Variants in PCDHGA5 observed in about 807,000 individuals in gnomAD.
PCDHGA5 encodes protocadherin gamma-A5.
A neutral mutation model predicts 56.7 loss-of-function variants in PCDHGA5; 36 were observed. That is an observed-to-expected ratio of 0.64 (90% CI 0.49 to 0.84). PCDHGA5 has a LOEUF of 0.84. Among genes scored for constraint, PCDHGA5 ranks in the 40% least tolerant of loss-of-function variants. The pLI is 0.00. For synonymous variants in PCDHGA5, 563 were observed against 520.2 expected, an observed-to-expected ratio of 1.08 and a Z score of -1.12; for missense variants, 1,305 against 1,201.5, an observed-to-expected ratio of 1.09 and a Z score of -1.27.
At chr5:141,372,279 G>C in intron 1 of PCDHGA5, 1 of 1,613,176 alleles carries the variant, frequency 6.2e-7, no homozygotes, top group Non-Finnish European at 8.5e-7. Flanking sequence ...GGTGCGCACG[G>C]CGCGTACCTT....
chr5:141,385,132 G>T (rs763210124), intron 1 of PCDHGA5: 2 of 1,614,094 alleles, frequency 1.2e-6, no homozygotes, highest in African/African-American at 1.3e-5. Flanking sequence ...GGGCATGGAC[G>T]GGGTGCAGGC....
chr5:141,509,864 A>G (rs2099878667), intron 3 of PCDHGA5, among the ~76,000 whole-genome samples: 1 of 152,262 alleles, frequency 6.6e-6, no homozygotes, highest in East Asian at 1.9e-4. Context: ...GATAAGGTCC[A>G]AGCTGCTGGT....
chr5:141,507,151 G>C (rs1423834553), intron 3 of PCDHGA5: 2 of 152,192 alleles, frequency 1.3e-5, no homozygotes, highest in African/African-American at 4.8e-5. Context: ...TATTACCTGA[G>C]CAGGATGAGA....
Position 141,365,092 on chromosome 5 carries a change from C to T in PCDHGA5, c.762C>T (p.Asn254=). Residue 254 remains asparagine (N), a synonymous_variant, in exon 1 of 4, where the codon AAC becomes AAT. Coordinates refer to ENST00000518069, the MANE Select transcript of PCDHGA5 (RefSeq NM_018918.3). ...PSEYSVSVPE[N]IPVGTRLLML... is the part of the protein sequence containing the mutation. ...AGTACAGCGTGAGTGTTCCAGAGAA[C>T]ATACCTGTGGGCACTCGGCTGCTCA... 6.2e-7 allele frequency: 1 copy of T among 1,613,856 alleles called. No individual in the cohort carries two copies. The highest frequency in any genetic ancestry group is 8.5e-7 in the Non-Finnish European group (1 of 1,179,884).
At position 141,383,195 on chromosome 5, in the gene PCDHGA5, G is replaced by A. The variant is rs765730698; in HGVS notation, c.2421+16444G>A. On this transcript the variant is annotated intron_variant, in intron 1 of 3. Transcript: ENST00000518069. ...GACCGGGAAGAGATCTGCGCTCAGA[G>A]TGCGCGGTGTCTGGTAAACTTTAAC... 18 of 1,614,044 alleles carry A rather than the reference G, an allele frequency of 1.1e-5. No homozygotes were observed. Among genetic ancestry groups the A allele is most frequent in the Non-Finnish European group, 1.5e-5 (18 of 1,179,940 alleles).
chr5:141,398,212 C>T, intron 1 of PCDHGA5: 1 of 1,484,360 alleles, frequency 6.7e-7, no homozygotes, highest in South Asian at 1.3e-5. Flanking sequence ...CTGCCCGGCG[C>T]TCTGTGAGCA....
chr5:141,415,843 G>T (rs1022622333), intron 1 of PCDHGA5: 36 of 1,251,418 alleles, frequency 2.9e-5, no homozygotes, highest in Non-Finnish European at 3.6e-5. Flanking sequence ...GATTAGCTTT[G>T]CAGAACCTTG....
intron 1 of PCDHGA5, chr5:141,382,969 TG>T (rs1561593500): frequency 9.9e-6 from 16 of 1,609,418 alleles, no homozygotes; most frequent in Non-Finnish European, 1.4e-5. Flanking sequence ...GGGGACCCCC[TG>T]GGAAGCCTGG....
intron 1 of PCDHGA5, chr5:141,413,652 G>A: frequency 6.2e-7 from 1 of 1,613,780 alleles, no homozygotes; most frequent in Non-Finnish European, 8.5e-7. Context: ...TTCCTCTCCC[G>A]GAAGCTATTG....
At chr5:141,438,637 C>T (rs11958903) in intron 1 of PCDHGA5, among the ~76,000 whole-genome samples, 3,503 of 30,116 alleles carry the variant, frequency 0.12, 108 homozygotes, top group Non-Finnish European at 0.15. Context: ...TATATATATA[C>T]ACACACACAC....
chr5:141,415,873 G>A lies in PCDHGA5; in HGVS notation c.2421+49122G>A, dbSNP rs905638480. The A allele has an allele frequency of 9.6e-6, 10 of 1,046,220 alleles. No homozygotes were observed. In the East Asian group the frequency reaches 1.8e-4, roughly 19 times the overall value. The allele number at this position is 1,046,220 out of a possible 1,614,324, so 64.8% of individuals were successfully genotyped here. A position where few individuals can be genotyped will look rare whatever the true frequency, so the allele number is the denominator to read the frequency against. On this transcript the variant is annotated intron_variant, in intron 1 of 3. Transcript: ENST00000518069. ...ACCTTGTAGTTTATAGTGTTGTTGA[G>A]TACAATATTGACAATTCCTAAGACA...
rs1356654620 is a variant in PCDHGA5 at position 141,490,430 on chromosome 5, TTAA to T, written c.2422-4376_2422-4374del. On this transcript the variant is annotated intron_variant, in intron 1 of 3. Coordinates refer to ENST00000518069, the MANE Select transcript of PCDHGA5 (RefSeq NM_018918.3). The surrounding 1 kb of genome is among the most constrained non-coding windows in gnomAD (Gnocchi z 5.4). ...ATCTCTCCGGACCTGCCATTTCAGA[TTAA>T]GCCTTCTGAGAACCACTACTCGCTG... 1 of 1,614,162 alleles carries T rather than the reference TTAA, an allele frequency of 6.2e-7. No individual in the cohort carries two copies.
intron 1 of PCDHGA5, among the ~76,000 whole-genome samples, chr5:141,369,705 A>G (rs1766444941): frequency 6.6e-6 from 1 of 152,376 alleles, no homozygotes; most frequent in East Asian, 1.9e-4. Flanking sequence ...AAGCTATGAC[A>G]TTATAACTTT....
Position 141,432,741 on chromosome 5 carries a change from C to A in PCDHGA5, c.2422-62066C>A. 6.2e-7 allele frequency: 1 copy of A among 1,614,106 alleles called. No individual in the cohort carries two copies. The highest frequency in any genetic ancestry group is 8.5e-7 in the Non-Finnish European group (1 of 1,179,988). On this transcript the variant is annotated intron_variant, in intron 1 of 3. Transcript: ENST00000518069. The surrounding 1 kb of genome is among the most constrained non-coding windows in gnomAD (Gnocchi z 6.0). ...CCTCTCTCCGCCACTGTCACGCTCA[C>A]CGTGGCCGTGGCCGACAGCATCCCC...
At position 141,413,701 on chromosome 5, in the gene PCDHGA5, C is replaced by T. The variant is rs764950275; in HGVS notation, c.2421+46950C>T. 1.1e-4 allele frequency: 177 copies of T among 1,613,654 alleles called. No individual in the cohort carries two copies. The Admixed American group carries it at 2.9e-3, about 27-fold the overall frequency. On this transcript the variant is annotated intron_variant, in intron 1 of 3. Coordinates refer to ENST00000518069, the MANE Select transcript of PCDHGA5 (RefSeq NM_018918.3). ...CGTGAACTCCCTGCAGAGCTATCAG[C>T]TCAGCCCCAATAAGCACTTCTCCCT...
At position 141,478,147 on chromosome 5, in the gene PCDHGA5, C is replaced by T. The variant is rs199689679; in HGVS notation, c.2422-16660C>T. On this transcript the variant is annotated intron_variant, in intron 1 of 3. Transcript: ENST00000518069. The stretch of plus-strand genomic sequence containing the variant: ...ACTCTCCTGAAGCCCGAGCCGAGTT[C>T]CCCTCTGGCTCTGCCCCCCGGGAGC... The T allele has an allele frequency of 2.0e-5, 32 of 1,614,076 alleles. 1 individual carries two copies. In the East Asian group the frequency reaches 5.3e-4, roughly 27 times the overall value.
At chr5:141,398,149 C>T (rs761559295) in intron 1 of PCDHGA5, 29 of 1,497,086 alleles carry the variant, frequency 1.9e-5, no homozygotes, top group Non-Finnish European at 2.6e-5. Context: ...CGCCGGGGAG[C>T]TGGGCCGGGC....
intron 1 of PCDHGA5, chr5:141,394,722 G>A (rs1483795023): frequency 2.5e-6 from 4 of 1,613,314 alleles, no homozygotes; most frequent in Admixed American, 3.3e-5. Flanking sequence ...GGACAGAGAT[G>A]CGCTCAAGCA....
rs778744503 is a variant in PCDHGA5, at chr5:141,511,152, G to C, written c.2775G>C (p.Ser925=). 2 of 1,614,140 alleles carry C rather than the reference G, an allele frequency of 1.2e-6. No individual in the cohort carries two copies. Among genetic ancestry groups the C allele is most frequent in the South Asian group, 2.2e-5 (2 of 91,086 alleles). The change falls in exon 4 of 4, where the codon TCG becomes TCC. Residue 925 remains serine, a synonymous_variant. Coordinates refer to ENST00000518069, the MANE Select transcript of PCDHGA5 (RefSeq NM_018918.3). ...PAGGNGNKKK[S]GKKEKK ...GTGGCAATGGCAACAAGAAGAAGTC[G>C]GGCAAGAAGGAGAAGAAGTAACATG...
Sources: gnomAD v4.1 joint callset for allele counts (sites outside exome capture counted in the v4.1 genomes callset) on GRCh38, gnomAD v4.1.1 for gene constraint, Gnocchi (gnomAD v3.1) non-coding constraint, MANE v1.5 for transcripts, NCBI Gene and HGNC (gene_info 2026-07-23, HGNC 2026-07-21) for gene names.